The following EXOC1 variants were observed in gnomAD, a reference collection of about 807,000 sequenced individuals.
The protein encoded by EXOC1 is SEC3-like 1.
Under a neutral mutation model 107.7 loss-of-function variants are expected in EXOC1, and 67 were observed. That is an observed-to-expected ratio of 0.62 (90% CI 0.51 to 0.76). The LOEUF is 0.76. EXOC1 is among the 30% of genes least tolerant of loss of function. The probability of loss-of-function intolerance (pLI) is 0.00; values close to 1 mark genes in which losing one functional copy is unlikely to be tolerated. For synonymous variants in EXOC1, 348 were observed against 353.5 expected (o/e 0.98, Z 0.17); for missense variants, 833 against 1,055.7 (o/e 0.79, Z 2.92).
chr4:55,867,413 T>C (rs1722053990), intron 4 of EXOC1, among the ~76,000 whole-genome samples: 1 of 152,220 alleles, frequency 6.6e-6, no homozygotes. Flanking sequence ...ATCCAGAGTT[T>C]GTGGTTTAAA....
chr4:55,859,512 C>T (rs1051894042), intron 2 of EXOC1, among the ~76,000 whole-genome samples: 14 of 152,096 alleles, frequency 9.2e-5, no homozygotes, highest in African/African-American at 3.4e-4. Flanking sequence ...CTTATTAATT[C>T]TAATTATATG....
intron 8 of EXOC1, chr4:55,876,568 C>G (rs1722911657): frequency 1.0e-6 from 1 of 982,442 alleles, no homozygotes; most frequent in South Asian, 4.7e-5. Context: ...GTCAGAATTA[C>G]AGAAAGGGAT....
intron 16 of EXOC1, among the ~76,000 whole-genome samples, chr4:55,897,230 G>A (rs10024279): frequency 0.04 from 6,071 of 150,238 alleles, 174 homozygotes; most frequent in Admixed American, 0.084. Context: ...AGGCTCAAAA[G>A]ATCCTCCTAC....
intron 8 of EXOC1, chr4:55,876,558 G>A (rs1722910604): frequency 2.0e-6 from 2 of 978,812 alleles, no homozygotes; most frequent in African/African-American, 3.5e-5. Flanking sequence ...CTTTTTGGCT[G>A]TCAGAATTAC....
chr4:55,860,537 T>C lies in EXOC1; in HGVS notation c.251T>C (p.Ile84Thr), dbSNP rs1184431172. 4 of 1,613,738 alleles carry C rather than the reference T, an allele frequency of 2.5e-6. No individual in the cohort carries two copies. Among genetic ancestry groups the C allele is most frequent in the African/African-American group, 1.3e-5 (1 of 74,934 alleles). ...GCTGTGGTAGATGCCAAAGATGCTA[T>C]CAAAGTAGGTTTTTCTCAGTTCTTT... ...DLAVVDAKDA[I>T]KENPEFDLHF... Residue 84 changes from isoleucine to threonine, a missense_variant, in exon 3 of 19, where the codon ATC (isoleucine) becomes ACC (threonine). By Grantham distance (89) the Ile-to-Thr change is moderately conservative. This residue lies in a region of EXOC1 where 617 missense variants were observed against 701.3 expected (regional missense o/e 0.88). Transcript: ENST00000381295.
chr4:55,888,152 CAT>C lies in EXOC1; in HGVS notation c.1331-733_1331-732del, dbSNP rs1418264956. Among the ~76,000 whole-genome samples, 9 of 152,264 alleles carry C rather than the reference CAT, an allele frequency of 5.9e-5. No individual in the cohort carries two copies. In the East Asian group the frequency reaches 1.7e-3, roughly 29 times the overall value. On this transcript the variant is annotated intron_variant, in intron 10 of 18. Coordinates refer to ENST00000381295, the MANE Select transcript of EXOC1 (RefSeq NM_001024924.2). Reference sequence around the variant, plus strand: ...AGACTGTTTTTGCAAAATTAGCTCTCATATTGATCTAATAAATATTATAGAGA... The same window carrying C: ...AGACTGTTTTTGCAAAATTAGCTCTCATTGATCTAATAAATATTATAGAGA...
At chr4:55,892,572 T>C (rs1724684207) in intron 13 of EXOC1, 63 bp from the exon 14 acceptor site, 2 of 1,340,904 alleles carry the variant, frequency 1.5e-6, no homozygotes, top group South Asian at 2.4e-5. Context: ...AGGCTTTTGC[T>C]ATATCAATAC....
At chr4:55,857,688 G>A (rs1230254812) in intron 1 of EXOC1, among the ~76,000 whole-genome samples, 5 of 152,172 alleles carry the variant, frequency 3.3e-5, no homozygotes, top group African/African-American at 9.7e-5. Flanking sequence ...TTCACTTTAT[G>A]AGGAGTCACC....
At chr4:55,864,878 G>A (rs920475600) in intron 4 of EXOC1, among the ~76,000 whole-genome samples, 2 of 152,156 alleles carry the variant, frequency 1.3e-5, no homozygotes, top group African/African-American at 2.4e-5. Context: ...CCTTGTAGCA[G>A]TATTTTTGTA....
chr4:55,877,216 G>C, intron 8 of EXOC1: 4 of 985,344 alleles, frequency 4.1e-6, no homozygotes, highest in Non-Finnish European at 4.8e-6. Flanking sequence ...ATCAGGAAAT[G>C]AGTTAACTAG....
At chr4:55,876,465 A>G (rs1207830658) in intron 8 of EXOC1, 2 of 639,538 alleles carry the variant, frequency 3.1e-6, no homozygotes, top group Admixed American at 1.3e-4. Context: ...CACTCTAAGC[A>G]CTATAAATAG....
chr4:55,861,590 A>G (rs1721480533), intron 3 of EXOC1, among the ~76,000 whole-genome samples: 1 of 152,224 alleles, frequency 6.6e-6, no homozygotes, highest in Non-Finnish European at 1.5e-5. Flanking sequence ...TATAATTCAG[A>G]TTTCTTCCAA....
intron 5 of EXOC1, among the ~76,000 whole-genome samples, chr4:55,869,479 TC>T (rs1420776156): frequency 2.0e-5 from 3 of 152,222 alleles, no homozygotes; most frequent in Middle Eastern, 3.4e-3. Context: ...ATTTAAGAAA[TC>T]CCTCAGAGGA....
intron 14 of EXOC1, among the ~76,000 whole-genome samples, 165 bp downstream of exon 14, chr4:55,892,876 G>A (rs1315935536): frequency 6.6e-6 from 1 of 152,122 alleles, no homozygotes. Flanking sequence ...TTAAAATAGG[G>A]CCTATTTTAT....
chr4:55,858,330 G>C lies in EXOC1; in HGVS notation c.7G>C (p.Ala3Pro). 1 of 1,604,198 alleles carries C rather than the reference G, an allele frequency of 6.2e-7. No individual in the cohort carries two copies. MT[A>P]IKHALQRDIF... Reference sequence around the variant, plus strand: ...ATTTTTCAGCTGAGAAAAGATGACAGCAATCAAGCATGCATTACAAAGAGA... The same window carrying C: ...ATTTTTCAGCTGAGAAAAGATGACACCAATCAAGCATGCATTACAAAGAGA... The change falls in exon 2 of 19, where the codon GCA (alanine) becomes CCA (proline). Residue 3 changes from alanine (A) to proline (P), a missense_variant. Transcript: ENST00000381295.
intron 9 of EXOC1, among the ~76,000 whole-genome samples, chr4:55,879,339 G>C (rs914626031): frequency 6.6e-6 from 1 of 152,196 alleles, no homozygotes; most frequent in Admixed American, 6.5e-5. Flanking sequence ...AGAAGGGCGT[G>C]GGATAAGGAT....
rs1722394055 is a variant in EXOC1, at chr4:55,871,117, C to G, written c.848C>G (p.Ala283Gly). ...IEFLVNHMDL[A>G]KGHIKALQEG... ...ATATTCTAGAACCACATGGACTTGG[C>G]CAAAGGTCATATAAAGGCCCTTCAG... Residue 283 changes from alanine (A) to glycine (G), a missense_variant, in exon 7 of 19, where the codon GCC (alanine) becomes GGC (glycine). Transcript: ENST00000381295. The G allele has an allele frequency of 6.2e-7, 1 of 1,613,762 alleles. No homozygotes were observed. Among genetic ancestry groups the G allele is most frequent in the Non-Finnish European group, 8.5e-7 (1 of 1,179,838 alleles).
In EXOC1 at chr4:55,893,655, CTT is replaced by C. The variant is rs1415908532; in HGVS notation, c.1830_1831del (p.Met612ValfsTer36). 4 of 1,613,972 alleles carry C rather than the reference CTT, an allele frequency of 2.5e-6. No homozygotes were observed. Among genetic ancestry groups the C allele is most frequent in the Non-Finnish European group, 3.4e-6 (4 of 1,180,016 alleles). ...LGDKIDSFNS[L>X]YMLVKMSHHV... Reference sequence around the variant, plus strand: ...AGACAAAATTGATAGCTTTAACTCTCTTTATATGTTAGTCAAAATGAGTCATC... The same window carrying C: ...AGACAAAATTGATAGCTTTAACTCTCTATATGTTAGTCAAAATGAGTCATC... On this transcript the variant is annotated frameshift_variant, in exon 15 of 19. Coordinates refer to ENST00000381295, the MANE Select transcript of EXOC1 (RefSeq NM_001024924.2). LOFTEE classifies it high-confidence loss of function.
intron 9 of EXOC1, among the ~76,000 whole-genome samples, chr4:55,879,470 G>T (rs1029179174): frequency 3.3e-5 from 5 of 151,074 alleles, no homozygotes; most frequent in Admixed American, 6.6e-5. Context: ...AGACCCTGGT[G>T]GGGGCAGGGT....
Sources: allele counts gnomAD v4.1 joint callset (sites outside exome capture counted in the v4.1 genomes callset), GRCh38; gene constraint gnomAD v4.1.1; regional missense constraint gnomAD v4.1.1; transcripts MANE v1.5; gene names NCBI Gene and HGNC (gene_info 2026-07-23, HGNC 2026-07-21).